ABI2: variants seen among roughly 807,000 people sequenced by gnomAD.
The protein encoded by ABI2 is abelson interactor 2.
ABI2 carries 25 observed loss-of-function variants against 59.2 expected under a neutral mutation model. The observed-to-expected ratio is 0.42, with a 90% confidence interval of 0.31 to 0.59. The LOEUF (loss-of-function observed/expected upper bound fraction) is 0.59, where lower values mean the gene tolerates loss of function less well. Among genes scored for constraint, ABI2 ranks in the 20% least tolerant of loss-of-function variants. ABI2 has a pLI of 0.14. For missense variants in ABI2, 545 were observed against 681.8 expected (o/e 0.80, Z 2.23); for synonymous variants, 213 against 235.5 (o/e 0.90, Z 0.87).
At chr2:203,359,808 C>T (rs1227712393) in intron 1 of ABI2, among the ~76,000 whole-genome samples, 1 of 151,070 alleles carries the variant, frequency 6.6e-6, no homozygotes, top group Admixed American at 6.7e-5. Flanking sequence ...CTCTTAATAC[C>T]ATCAACATCA....
chr2:203,394,064 T>C (rs1052986160), intron 5 of ABI2, among the ~76,000 whole-genome samples: 16 of 152,256 alleles, frequency 1.1e-4, no homozygotes, highest in South Asian at 8.3e-4. Flanking sequence ...CCCCCACCTT[T>C]GTAAATGTTG....
intron 9 of ABI2, among the ~76,000 whole-genome samples, chr2:203,404,097 A>T (rs939001839): frequency 1.3e-5 from 2 of 151,934 alleles, no homozygotes. Context: ...TATTTAAAAA[A>T]TTTTTCTCTT....
chr2:203,398,858 A>T (rs945894716), intron 8 of ABI2, among the ~76,000 whole-genome samples: 1 of 152,026 alleles, frequency 6.6e-6, no homozygotes, highest in African/African-American at 2.4e-5. Context: ...AGAATTACCC[A>T]TGTTGTTGCA....
rs750379504 is a variant in ABI2, at chr2:203,395,448, T to TATATATATATACACAC, written c.726-207_726-206insTATATATATACACACA. On this transcript the variant is annotated intron_variant, in intron 6 of 11. Coordinates refer to ENST00000261018, the MANE Select transcript of ABI2 (RefSeq NM_001375670.1). ...TAATAAGTAAATATATATATATATA[T>TATATATATATACACAC]ACACACACACACACACACACACACA... 8.3e-3 allele frequency among the ~76,000 whole-genome samples: 956 copies of TATATATATATACACAC among 115,252 alleles called. 8 individuals are homozygous for TATATATATATACACAC. Among genetic ancestry groups the TATATATATATACACAC allele is most frequent in the African/African-American group, 0.022 (717 of 33,120 alleles). The allele number at this position is 115,252 out of a possible 152,430, so 75.6% of individuals were successfully genotyped here.
intron 1 of ABI2, among the ~76,000 whole-genome samples, chr2:203,340,764 G>A (rs1281673286): frequency 6.6e-6 from 1 of 151,810 alleles, no homozygotes; most frequent in African/African-American, 2.4e-5. Flanking sequence ...TGTGTATCAT[G>A]TCATCATGTT....
chr2:203,361,932 C>G (rs2093577393), intron 1 of ABI2, among the ~76,000 whole-genome samples: 1 of 152,152 alleles, frequency 6.6e-6, no homozygotes, highest in Non-Finnish European at 1.5e-5. Context: ...ATAATTACTT[C>G]CCTTGTGATC....
At chr2:203,376,734 T>TTTC (rs1491190880) in intron 2 of ABI2, among the ~76,000 whole-genome samples, 1 of 39,122 alleles carries the variant, frequency 2.6e-5, no homozygotes, top group Admixed American at 3.1e-4. Context: ...TGGTCTTCCC[T>TTTC]TTTTTTTTTT....
At chr2:203,411,739 A>G (rs1203495376) in intron 10 of ABI2, among the ~76,000 whole-genome samples, 1 of 152,142 alleles carries the variant, frequency 6.6e-6, no homozygotes, top group Non-Finnish European at 1.5e-5. Context: ...ATCTTCCTCC[A>G]GTTTTGTGAT....
At position 203,391,112 on chromosome 2, in the gene ABI2, A is replaced by T. The variant is rs369937232; in HGVS notation, c.547A>T (p.Ser183Cys). ...RTTPPTQKPP[S>C]PPMSGKGTLG... ...AACACCTCCAACTCAGAAGCCCCCT[A>T]GTCCCCCTATGTCAGGGAAAGGGAC... Residue 183 changes from serine (S) to cysteine (C), a missense_variant, in exon 5 of 12, where the codon AGT becomes TGT. By Grantham distance (112) the Ser-to-Cys change is moderately radical. Coordinates refer to ENST00000261018, the MANE Select transcript of ABI2 (RefSeq NM_001375670.1). 2 of 1,613,714 alleles carry T rather than the reference A, an allele frequency of 1.2e-6. No homozygotes were observed. The highest frequency in any genetic ancestry group is 1.3e-5 in the African/African-American group (1 of 74,942).
At chr2:203,339,316 A>G (rs1312001745) in intron 1 of ABI2, among the ~76,000 whole-genome samples, 1 of 151,918 alleles carries the variant, frequency 6.6e-6, no homozygotes, top group Non-Finnish European at 1.5e-5. Context: ...GTGGTGGCTC[A>G]TGCCTGTAAT....
Position 203,429,586 on chromosome 2 carries a change from A to T in ABI2, c.*2234A>T, listed in dbSNP as rs1353068340. 6.6e-6 allele frequency: 1 copy of T among 151,986 alleles called. No individual in the cohort carries two copies. Among genetic ancestry groups the T allele is most frequent in the Non-Finnish European group, 1.5e-5 (1 of 68,000 alleles). The allele number at this position is 151,986 out of a possible 1,614,324, so 9.4% of individuals were successfully genotyped here. On this transcript the variant is annotated 3_prime_UTR_variant, in exon 12 of 12. Coordinates refer to ENST00000261018, the MANE Select transcript of ABI2 (RefSeq NM_001375670.1). ...ATCCTGGCCAACATGGTGAAACCCC[A>T]TCTCTACTAAAAACACAAAAATTAG...
intron 1 of ABI2, among the ~76,000 whole-genome samples, chr2:203,350,732 G>T (rs1305667259): frequency 6.6e-6 from 1 of 151,368 alleles, no homozygotes; most frequent in Non-Finnish European, 1.5e-5. Context: ...TAGAGATGGG[G>T]TTTCACCATC....
chr2:203,365,927 C>T (rs1254770137), intron 1 of ABI2, among the ~76,000 whole-genome samples: 1 of 152,070 alleles, frequency 6.6e-6, no homozygotes, highest in Non-Finnish European at 1.5e-5. Context: ...CCGTGCCCGG[C>T]CGGGGCTGTT....
intron 1 of ABI2, chr2:203,351,505 A>G (rs1194404041): frequency 4.1e-5 from 17 of 413,034 alleles, no homozygotes; most frequent in Admixed American, 1.9e-4. Context: ...ATTTCTTTCA[A>G]TGATGTTTTG....
At chr2:203,356,433 A>G (rs993127196) in intron 1 of ABI2, among the ~76,000 whole-genome samples, 2 of 152,054 alleles carry the variant, frequency 1.3e-5, no homozygotes, top group Non-Finnish European at 2.9e-5. Context: ...CATTGGCGTG[A>G]TCTTGGCTCA....
At chr2:203,367,860 C>T (rs1197865547) in intron 2 of ABI2, among the ~76,000 whole-genome samples, 1 of 151,892 alleles carries the variant, frequency 6.6e-6, no homozygotes, top group East Asian at 1.9e-4. Context: ...AAAAATTAGC[C>T]AGGTTTGGTG....
rs2098480908 is a variant in ABI2, at chr2:203,431,223, C to CA, written c.*3871_*3872insA. Reference sequence around the variant, plus strand: ...TAAAATTTCTGGTTGTCTCATTAGACTGATGAGGTGAGTTTTCTTCTTCAT... The same window carrying CA: ...TAAAATTTCTGGTTGTCTCATTAGACATGATGAGGTGAGTTTTCTTCTTCAT... On this transcript the variant is annotated 3_prime_UTR_variant, in exon 12 of 12. Coordinates refer to ENST00000261018, the MANE Select transcript of ABI2 (RefSeq NM_001375670.1). 6.6e-6 allele frequency: 1 copy of CA among 152,608 alleles called. No individual in the cohort carries two copies. Among genetic ancestry groups the CA allele is most frequent in the Non-Finnish European group, 1.5e-5 (1 of 68,042 alleles). The allele number at this position is 152,608 out of a possible 1,614,324, so 9.5% of individuals were successfully genotyped here. A position where few individuals can be genotyped will look rare whatever the true frequency, so the allele number is the denominator to read the frequency against.
At chr2:203,346,619 T>C (rs2083770458) in intron 1 of ABI2, among the ~76,000 whole-genome samples, 1 of 152,242 alleles carries the variant, frequency 6.6e-6, no homozygotes, top group Admixed American at 6.5e-5. Flanking sequence ...CCCACCACAT[T>C]TAACTCTAGG....
intron 4 of ABI2, among the ~76,000 whole-genome samples, chr2:203,382,795 C>A (rs555066510): frequency 6.6e-6 from 1 of 151,000 alleles, no homozygotes; most frequent in Admixed American, 6.6e-5. Context: ...AAAAATTATT[C>A]TTTTTTCCAA....
Sources: allele counts gnomAD v4.1 joint callset (sites outside exome capture counted in the v4.1 genomes callset), GRCh38; gene constraint gnomAD v4.1.1; transcripts MANE v1.5; gene names NCBI Gene and HGNC (gene_info 2026-07-23, HGNC 2026-07-21).